Variants in CBLB observed in about 807,000 individuals in gnomAD.
CBLB encodes the protein E3 ubiquitin-protein ligase CBL-B.
CBLB carries 31 observed loss-of-function variants against 104.9 expected under a neutral mutation model. The observed-to-expected ratio is 0.30, with a 90% CI of 0.22 to 0.40. CBLB has a LOEUF of 0.40. CBLB is among the 10% of genes least tolerant of loss of function. The pLI, the probability that CBLB is intolerant of heterozygous loss-of-function variation, is 1.00. For missense variants in CBLB, 1,062 were observed against 1,214.6 expected, an observed-to-expected ratio of 0.87 and a Z score of 1.87; for synonymous variants, 440 against 422.6, an observed-to-expected ratio of 1.04 and a Z score of -0.51.
At chr3:105,720,696 C>T (rs1400652101) in intron 9 of CBLB, among the ~76,000 whole-genome samples, 2 of 152,146 alleles carry the variant, frequency 1.3e-5, no homozygotes, top group Admixed American at 6.5e-5. Context: ...AAATACAATA[C>T]TTGTGCATCT....
intron 3 of CBLB, among the ~76,000 whole-genome samples, chr3:105,805,198 A>G (rs2083351063): frequency 6.6e-6 from 1 of 152,176 alleles, no homozygotes; most frequent in South Asian, 2.1e-4. Flanking sequence ...CCTAATTTTT[A>G]TAAAGTTCGC....
At chr3:105,683,377 A>G (rs2066567799) in intron 14 of CBLB, among the ~76,000 whole-genome samples, 1 of 152,224 alleles carries the variant, frequency 6.6e-6, no homozygotes, top group South Asian at 2.1e-4. Context: ...AATTCACTCC[A>G]ATTACATTTA....
rs1045098321 is a variant in CBLB at position 105,655,662 on chromosome 3, G to A, written c.*3308C>T. ...GGGGAAAAAACCCTTCACTCTATTG[G>A]TGTCTTTGTCTGGAAAACTTTCCCA... On this transcript the variant is annotated 3_prime_UTR_variant, in exon 19 of 19. Coordinates refer to ENST00000394030, the MANE Select transcript of CBLB (RefSeq NM_170662.5). 1 of 196,026 alleles carries A rather than the reference G, an allele frequency of 5.1e-6. No homozygotes were observed. The highest frequency in any genetic ancestry group is 1.1e-5 in the Non-Finnish European group (1 of 94,394). The allele number at this position is 196,026 out of a possible 1,614,324, so 12.1% of individuals were successfully genotyped here.
At chr3:105,671,411 A>G (rs1483507067) in intron 17 of CBLB, 1 of 216,838 alleles carries the variant, frequency 4.6e-6, no homozygotes, top group East Asian at 6.8e-5. Context: ...TAAATCAAAC[A>G]TAGCACCTAG....
chr3:105,758,828 A>G (rs2077319952), intron 4 of CBLB, among the ~76,000 whole-genome samples: 2 of 152,210 alleles, frequency 1.3e-5, no homozygotes, highest in African/African-American at 4.8e-5. Context: ...AAAAGCTTGG[A>G]GACTCCAGAA....
chr3:105,780,113 G>C (rs2080001629), intron 3 of CBLB, among the ~76,000 whole-genome samples: 1 of 151,462 alleles, frequency 6.6e-6, no homozygotes, highest in African/African-American at 2.4e-5. Flanking sequence ...TCAACCTCCT[G>C]AAGTGCTGGG....
chr3:105,669,276 T>C (rs1190618827), intron 18 of CBLB, among the ~76,000 whole-genome samples: 2 of 152,210 alleles, frequency 1.3e-5, no homozygotes, highest in African/African-American at 2.4e-5. Context: ...GATTAGATTA[T>C]GCAGGGGAAG....
intron 6 of CBLB, among the ~76,000 whole-genome samples, chr3:105,745,014 A>G (rs941636869): frequency 3.9e-5 from 6 of 152,028 alleles, no homozygotes; most frequent in African/African-American, 1.4e-4. Context: ...ATGATACTAG[A>G]AAAAAAAGGC....
intron 3 of CBLB, among the ~76,000 whole-genome samples, chr3:105,837,787 C>T (rs183443968): frequency 1.3e-5 from 2 of 152,138 alleles, no homozygotes; most frequent in African/African-American, 4.8e-5. Flanking sequence ...CTTCTAAAAT[C>T]GCCAGTACTC....
chr3:105,691,730 C>G (rs2067719091), intron 13 of CBLB, among the ~76,000 whole-genome samples: 1 of 152,128 alleles, frequency 6.6e-6, no homozygotes, highest in Non-Finnish European at 1.5e-5. Flanking sequence ...GCTTCCAACT[C>G]CTATGCCTGC....
chr3:105,847,409 C>G (rs1221470669), intron 3 of CBLB, among the ~76,000 whole-genome samples: 1 of 150,904 alleles, frequency 6.6e-6, no homozygotes, highest in Non-Finnish European at 1.5e-5. Context: ...CACACACACA[C>G]ACACACACAC....
chr3:105,867,589 G>C lies in CBLB; in HGVS notation c.-12C>G. The C allele has an allele frequency of 6.2e-7, 1 of 1,613,908 alleles. No homozygotes were observed. Among genetic ancestry groups the C allele is most frequent in the Non-Finnish European group, 8.5e-7 (1 of 1,179,858 alleles). On this transcript the variant is annotated splice_region_variant and 5_prime_UTR_variant, in exon 2 of 19. Transcript: ENST00000394030. ...ATTGAGTTTGCCATCTGGAATTTTA[G>C]TTCTTTAAAAGGCAGATTTAAAAAA...
chr3:105,694,195 T>C (rs1443845625), intron 12 of CBLB, among the ~76,000 whole-genome samples: 1 of 151,912 alleles, frequency 6.6e-6, no homozygotes, highest in Non-Finnish European at 1.5e-5. Context: ...AAACCACAAT[T>C]TCTAACTTGC....
Position 105,860,825 on chromosome 3 carries a change from G to A in CBLB, c.168+6585C>T, listed in dbSNP as rs375902176. Among the ~76,000 whole-genome samples, 4 of 152,310 alleles carry A rather than the reference G, an allele frequency of 2.6e-5. No homozygotes were observed. In the East Asian group the frequency reaches 7.7e-4, roughly 29 times the overall value. On this transcript the variant is annotated intron_variant, in intron 2 of 18. Coordinates refer to ENST00000394030, the MANE Select transcript of CBLB (RefSeq NM_170662.5). The stretch of plus-strand genomic sequence containing the variant: ...CTAAAACCCTTAAAAAGCCTGGAAT[G>A]TTCTGTGCAGAAAAGCAGGAAATAA...
Position 105,822,476 on chromosome 3 carries a change from T to C in CBLB, c.419+30938A>G, listed in dbSNP as rs190069751. On this transcript the variant is annotated intron_variant, in intron 3 of 18. Transcript: ENST00000394030. ...TATGAATTGGATCTCCCTCTTCTTTTGAAAGTGAACTAAAATAATGTTCCC... is the reference window on the plus strand; with the variant it reads ...TATGAATTGGATCTCCCTCTTCTTTCGAAAGTGAACTAAAATAATGTTCCC... 8.5e-3 allele frequency among the ~76,000 whole-genome samples: 1,293 copies of C among 152,288 alleles called. 12 individuals are homozygous for C. Among genetic ancestry groups the C allele is most frequent in the Non-Finnish European group, 0.012 (795 of 68,028 alleles).
rs139462730 is a variant in CBLB, at chr3:105,741,814, C to T, written c.846-1183G>A. Among the ~76,000 whole-genome samples, 861 of 152,242 alleles carry T rather than the reference C, an allele frequency of 5.7e-3. 11 individuals are homozygous for T. Among genetic ancestry groups the T allele is most frequent in the African/African-American group, 0.019 (796 of 41,538 alleles). ...GATTACAGGCGTGAGCCACCGCACC[C>T]GGCCAACTGTTAAAAAAATAGTAAC... is the stretch of plus-strand genomic sequence containing the variant. On this transcript the variant is annotated intron_variant, in intron 6 of 18. Coordinates refer to ENST00000394030, the MANE Select transcript of CBLB (RefSeq NM_170662.5).
intron 3 of CBLB, among the ~76,000 whole-genome samples, chr3:105,780,789 A>C (rs894064619): frequency 1.3e-5 from 2 of 151,144 alleles, no homozygotes; most frequent in African/African-American, 2.4e-5. Context: ...CAGCCTCCTG[A>C]GTAGCTGGGA....
At chr3:105,864,997 T>C (rs2092342691) in intron 2 of CBLB, among the ~76,000 whole-genome samples, 1 of 152,196 alleles carries the variant, frequency 6.6e-6, no homozygotes, top group African/African-American at 2.4e-5. Flanking sequence ...GCCTTTTACA[T>C]ACCTACCAAT....
At chr3:105,773,166 G>C (rs1250071740) in intron 4 of CBLB, among the ~76,000 whole-genome samples, 1 of 152,126 alleles carries the variant, frequency 6.6e-6, no homozygotes, top group African/African-American at 2.4e-5. Flanking sequence ...AGCGGATAAA[G>C]AAAACATGGC....
Sources: allele counts gnomAD v4.1 joint callset (sites outside exome capture counted in the v4.1 genomes callset), GRCh38; gene constraint gnomAD v4.1.1; transcripts MANE v1.5; gene names NCBI Gene and HGNC (gene_info 2026-07-23, HGNC 2026-07-21).